The following GPC5 variants were observed in gnomAD, a reference collection of about 807,000 sequenced individuals.
GPC5 encodes glypican-5.
GPC5 carries 47 observed loss-of-function variants against 53.9 expected under a neutral mutation model. The ratio of observed to expected loss-of-function variants is 0.87; its 90% CI spans 0.69 to 1.11. The LOEUF (loss-of-function observed/expected upper bound fraction) is 1.11, where lower values mean the gene tolerates loss of function less well. Ranked by LOEUF, GPC5 falls within the 50% of genes most tolerant of loss-of-function variation. The pLI, the probability that GPC5 is intolerant of heterozygous loss-of-function variation, is 0.00. For synonymous variants in GPC5, 286 were observed against 263.3 expected (o/e 1.09, Z -0.84); for missense variants, 748 against 713.1 (o/e 1.05, Z -0.56).
intron 2 of GPC5, among the ~76,000 whole-genome samples, chr13:91,510,164 G>A (rs192446300): frequency 1.2e-4 from 19 of 152,164 alleles, no homozygotes; most frequent in African/African-American, 4.6e-4. Context: ...TATTATGAAA[G>A]TCATGCTATT....
At chr13:92,560,371 C>T (rs1055369039) in intron 7 of GPC5, among the ~76,000 whole-genome samples, 1 of 152,012 alleles carries the variant, frequency 6.6e-6, no homozygotes, top group Non-Finnish European at 1.5e-5. Flanking sequence ...TCTGCCAACA[C>T]CAGTACTGGA....
intron 7 of GPC5, among the ~76,000 whole-genome samples, chr13:92,309,206 T>G (rs979315045): frequency 3.3e-5 from 5 of 152,070 alleles, no homozygotes; most frequent in African/African-American, 4.8e-5. Flanking sequence ...CAATTTCTGA[T>G]TGTAAGAGCT....
intron 7 of GPC5, among the ~76,000 whole-genome samples, chr13:92,454,062 A>C (rs1878171901): frequency 6.6e-6 from 1 of 152,294 alleles, no homozygotes; most frequent in Admixed American, 6.5e-5. Flanking sequence ...GCTCAAACCT[A>C]AGTGTTAAAC....
chr13:91,861,479 T>A (rs1423640073), intron 5 of GPC5, among the ~76,000 whole-genome samples: 1 of 152,094 alleles, frequency 6.6e-6, no homozygotes, highest in Non-Finnish European at 1.5e-5. Context: ...TTTTCTCTGA[T>A]AATGCATCCC....
intron 6 of GPC5, among the ~76,000 whole-genome samples, chr13:92,109,542 T>C (rs944073941): frequency 6.6e-6 from 1 of 152,130 alleles, no homozygotes; most frequent in African/African-American, 2.4e-5. Flanking sequence ...TGATGAAAAA[T>C]GACTATGAAA....
chr13:92,239,271 T>C (rs1024102172), intron 7 of GPC5, among the ~76,000 whole-genome samples: 8 of 152,024 alleles, frequency 5.3e-5, no homozygotes, highest in African/African-American at 1.9e-4. Flanking sequence ...ATAGGATTTT[T>C]ACTGAATCTG....
At chr13:92,559,691 T>C (rs371504334) in intron 7 of GPC5, among the ~76,000 whole-genome samples, 6 of 151,708 alleles carry the variant, frequency 4.0e-5, no homozygotes, top group African/African-American at 1.5e-4. Flanking sequence ...CCACCCTGAC[T>C]TACCTTGCCA....
intron 7 of GPC5, among the ~76,000 whole-genome samples, chr13:92,519,507 A>G (rs1414797083): frequency 3.9e-5 from 6 of 152,234 alleles, no homozygotes; most frequent in Non-Finnish European, 8.8e-5. Context: ...TGGAAACTGA[A>G]CAACCTGCTC....
rs564811724 is a variant in GPC5, at chr13:92,114,901, GT to G, written c.1402-29925del. ...CACTTATCTACCAATACGTTCTTGA[GT>G]TTTAAGATAATGATCCGAGTTCTGT... On this transcript the variant is annotated intron_variant, in intron 6 of 7. Transcript: ENST00000377067. Among the ~76,000 whole-genome samples the G allele has an allele frequency of 3.4e-3, 512 of 152,288 alleles. 2 individuals carry two copies. Among genetic ancestry groups the G allele is most frequent in the African/African-American group, 0.012 (489 of 41,560 alleles).
At chr13:92,759,005 T>TG (rs1875038680) in intron 7 of GPC5, among the ~76,000 whole-genome samples, 2 of 146,396 alleles carry the variant, frequency 1.4e-5, no homozygotes, top group South Asian at 4.4e-4. Flanking sequence ...TTTTTTTTTT[T>TG]TTTTTTTTTT....
At chr13:92,587,891 G>T (rs573351190) in intron 7 of GPC5, among the ~76,000 whole-genome samples, 17 of 147,276 alleles carry the variant, frequency 1.2e-4, no homozygotes, top group South Asian at 8.8e-4. Flanking sequence ...GTTTTTTGGG[G>T]TTTTTTTTTT....
At chr13:91,672,319 A>G (rs1385654199) in intron 2 of GPC5, among the ~76,000 whole-genome samples, 1 of 152,206 alleles carries the variant, frequency 6.6e-6, no homozygotes, top group South Asian at 2.1e-4. Flanking sequence ...GAATGGGAGA[A>G]AATTTTTGCA....
At chr13:92,534,642 G>T (rs564048849) in intron 7 of GPC5, among the ~76,000 whole-genome samples, 1 of 152,036 alleles carries the variant, frequency 6.6e-6, no homozygotes. Context: ...CTTTTACTGA[G>T]TATTTCATAT....
At chr13:91,754,553 T>G (rs1042638927) in intron 4 of GPC5, among the ~76,000 whole-genome samples, 13 of 152,070 alleles carry the variant, frequency 8.5e-5, no homozygotes, top group Non-Finnish European at 8.8e-5. Context: ...TTCCATCAAT[T>G]TGGGCCTGGT....
At chr13:91,589,884 T>G (rs2032733089) in intron 2 of GPC5, among the ~76,000 whole-genome samples, 2 of 152,174 alleles carry the variant, frequency 1.3e-5, no homozygotes, top group African/African-American at 4.8e-5. Flanking sequence ...TGCTAAATTT[T>G]TAACTATGGG....
intron 3 of GPC5, among the ~76,000 whole-genome samples, chr13:91,713,111 A>C (rs464989): frequency 0.039 from 5,997 of 152,230 alleles, 158 homozygotes; most frequent in Middle Eastern, 0.12. Context: ...GGATTGCTTG[A>C]ACCCGGGAGG....
intron 6 of GPC5, among the ~76,000 whole-genome samples, chr13:91,911,283 C>T (rs1343613558): frequency 2.0e-5 from 3 of 152,030 alleles, no homozygotes; most frequent in Non-Finnish European, 2.9e-5. Flanking sequence ...GTGGCTCATG[C>T]CTGTAATCTC....
intron 2 of GPC5, among the ~76,000 whole-genome samples, chr13:91,650,137 G>C (rs1340167818): frequency 6.6e-6 from 1 of 152,036 alleles, no homozygotes; most frequent in Non-Finnish European, 1.5e-5. Flanking sequence ...TTGTGTGTAT[G>C]TATATGAAGT....
chr13:92,206,132 G>T (rs544937346), intron 7 of GPC5, among the ~76,000 whole-genome samples: 3 of 142,804 alleles, frequency 2.1e-5, no homozygotes, highest in East Asian at 2.1e-4. Context: ...TGTTGTTGTT[G>T]TTATCGTTGT....
Sources: gnomAD v4.1 joint callset for allele counts (sites outside exome capture counted in the v4.1 genomes callset) on GRCh38, gnomAD v4.1.1 for gene constraint, MANE v1.5 for transcripts, NCBI Gene and HGNC (gene_info 2026-07-23, HGNC 2026-07-21) for gene names.